Variants in JAK3 observed in about 807,000 individuals in gnomAD.
JAK3 encodes the protein Janus kinase 3.
In JAK3, 88 loss-of-function variants were observed where a neutral mutation model predicts 120.8. That is an observed-to-expected ratio of 0.73 (90% CI 0.61 to 0.87). JAK3 has a LOEUF of 0.87. JAK3 is among the 40% of genes least tolerant of loss of function. The pLI, the probability that JAK3 is intolerant of heterozygous loss-of-function variation, is 0.00. For synonymous variants in JAK3, 592 were observed against 628.6 expected, an observed-to-expected ratio of 0.94 and a Z score of 0.87; for missense variants, 1,254 against 1,501.4, an observed-to-expected ratio of 0.84 and a Z score of 2.72.
chr19:17,834,419 A>G, intron 17 of JAK3, 152 bp downstream of exon 17: 1 of 735,468 alleles, frequency 1.4e-6, no homozygotes, highest in South Asian at 1.5e-5. Flanking sequence ...TGTTCGTTAC[A>G]GTAGCTGTTG....
Position 17,843,811 on chromosome 19 carries a change from C to A in JAK3, c.274G>T (p.Asp92Tyr). ...TACAGCAGGACTTGGGTGCTGGCAT[C>A]CTCCACGGAGAAGATGTGGCTCGGG... Reference protein sequence around the residue: ...FPPSHIFSVEDASTQVLLYRI... With the variant: ...FPPSHIFSVEYASTQVLLYRI... Residue 92 changes from aspartate to tyrosine, a missense_variant, in exon 3 of 24, where the codon GAT becomes TAT. By Grantham distance (160) the Asp-to-Tyr change is radical. This residue lies in a region of JAK3 where 138 missense variants were observed against 178.7 expected (regional missense o/e 0.77). Transcript: ENST00000458235. The surrounding 1 kb of genome is among the most constrained non-coding windows in gnomAD (Gnocchi z 5.4). 1.9e-6 allele frequency: 3 copies of A among 1,613,684 alleles called. No individual in the cohort carries two copies. The highest frequency in any genetic ancestry group is 2.5e-6 in the Non-Finnish European group (3 of 1,179,982).
chr19:17,839,197 T>C (rs1219421075), intron 10 of JAK3: 1 of 578,354 alleles, frequency 1.7e-6, no homozygotes, highest in Non-Finnish European at 3.3e-6. Context: ...AATTGTCCCA[T>C]CAGAGGGGTT....
intron 10 of JAK3, among the ~76,000 whole-genome samples, 166 bp from the exon 11 acceptor site, chr19:17,838,556 T>G (rs2094230068): frequency 6.6e-6 from 1 of 152,166 alleles, no homozygotes. Context: ...TTGTTGCTGC[T>G]GCTGTTGAGA....
chr19:17,843,580 C>G lies in JAK3; in HGVS notation c.309-89G>C, dbSNP rs3212722. 3 of 1,190,934 alleles carry G rather than the reference C, an allele frequency of 2.5e-6. No homozygotes were observed. Among genetic ancestry groups the G allele is most frequent in the East Asian group, 2.4e-5 (1 of 41,544 alleles). 73.8% of individuals were successfully genotyped at this position (1,190,934 alleles called of 1,614,324 possible). A position where few individuals can be genotyped will look rare whatever the true frequency, so the allele number is the denominator to read the frequency against. On this transcript the variant is annotated intron_variant, in intron 3 of 23. Coordinates refer to ENST00000458235, the MANE Select transcript of JAK3 (RefSeq NM_000215.4). The surrounding 1 kb of genome is among the most constrained non-coding windows in gnomAD (Gnocchi z 5.4). ...TGGTGGGGGCGAGGGACAGATTCTGCGGAGGCCTCACAGAGCCCAGCTTGT... is the reference window on the plus strand; with the variant it reads ...TGGTGGGGGCGAGGGACAGATTCTGGGGAGGCCTCACAGAGCCCAGCTTGT...
chr19:17,846,867 G>A (rs1383374448), intron 1 of JAK3, among the ~76,000 whole-genome samples: 1 of 151,466 alleles, frequency 6.6e-6, no homozygotes, highest in Non-Finnish European at 1.5e-5. Flanking sequence ...TTACACACGT[G>A]AGCCACATTG....
In JAK3 at chr19:17,843,884, G is replaced by T; in HGVS notation, c.201C>A (p.Tyr67Ter). 6.2e-7 allele frequency: 1 copy of T among 1,613,632 alleles called. No individual in the cohort carries two copies. Among genetic ancestry groups the T allele is most frequent in the Non-Finnish European group, 8.5e-7 (1 of 1,179,942 alleles). ...AAKASGILPV[Y>*]HSLFALATED... Reference sequence around the variant, plus strand: ...CCGTGGCCAGAGCAAAGAGGGAGTGGTACACAGGCAGGATGCCTACAGGGG... The same window carrying T: ...CCGTGGCCAGAGCAAAGAGGGAGTGTTACACAGGCAGGATGCCTACAGGGG... The change falls in exon 3 of 24, where the codon TAC becomes TAA. Residue 67 changes from tyrosine (Y) to a stop codon, truncating the protein, a stop_gained. Transcript: ENST00000458235. LOFTEE classifies it high-confidence loss of function. The surrounding 1 kb of genome is among the most constrained non-coding windows in gnomAD (Gnocchi z 5.4).
intron 10 of JAK3, among the ~76,000 whole-genome samples, chr19:17,838,712 A>ATTTTATTT (rs2094230418): frequency 1.0e-5 from 1 of 99,336 alleles, no homozygotes; most frequent in East Asian, 2.6e-4. Context: ...TGCCCGGCTA[A>ATTTTATTT]TTTTTTTTTT....
chr19:17,840,757 C>T (rs750252415), intron 8 of JAK3, among the ~76,000 whole-genome samples: 3 of 149,634 alleles, frequency 2.0e-5, no homozygotes, highest in African/African-American at 5.0e-5. Context: ...AGCCAGACTC[C>T]GTCTCAAAAA....
chr19:17,837,242 G>A (rs1227368950), intron 12 of JAK3, 29 bp from the exon 13 acceptor site: 1 of 1,529,272 alleles, frequency 6.5e-7, no homozygotes, highest in Non-Finnish European at 8.9e-7. Flanking sequence ...GAGAGAAGAT[G>A]CGTGGGTTTC....
Position 17,842,602 on chromosome 19 carries a change from G to T in JAK3, c.575C>A (p.Ala192Asp). ...GTCGCGCAGGCTTGGGGGTAGGCAG[G>T]CCTTGTAGCTGCAGGGGTTGGAGGG... Reference protein sequence around the residue: ...GELLKTVSYKACLPPSLRDLI... With the variant: ...GELLKTVSYKDCLPPSLRDLI... Residue 192 changes from alanine to aspartate, a missense_variant, in exon 6 of 24, where the codon GCC becomes GAC. This residue lies in a region of JAK3 where 486 missense variants were observed against 503.0 expected (regional missense o/e 0.97). Coordinates refer to ENST00000458235, the MANE Select transcript of JAK3 (RefSeq NM_000215.4). The surrounding 1 kb of genome is among the most constrained non-coding windows in gnomAD (Gnocchi z 6.4). The T allele has an allele frequency of 6.3e-7, 1 of 1,575,764 alleles. No individual in the cohort carries two copies. The highest frequency in any genetic ancestry group is 8.6e-7 in the Non-Finnish European group (1 of 1,158,950).
Position 17,832,769 on chromosome 19 carries a change from C to T in JAK3, c.2490+21G>A, listed in dbSNP as rs780973262. The T allele has an allele frequency of 5.0e-6, 8 of 1,614,274 alleles. No individual in the cohort carries two copies. The South Asian group carries it at 7.7e-5, about 16-fold the overall frequency. On this transcript the variant is annotated intron_variant, in intron 18 of 23. Coordinates refer to ENST00000458235, the MANE Select transcript of JAK3 (RefSeq NM_000215.4). The surrounding 1 kb of genome is among the most constrained non-coding windows in gnomAD (Gnocchi z 4.7). Reference sequence around the variant, plus strand: ...ATGCTGCCCTGCCCTCTCCAACCCACCCTGGCCCTGCCCACCTTACCTTGC... The same window carrying T: ...ATGCTGCCCTGCCCTCTCCAACCCATCCTGGCCCTGCCCACCTTACCTTGC...
chr19:17,837,910 G>T, intron 12 of JAK3, 22 bp downstream of exon 12: 1 of 1,613,816 alleles, frequency 6.2e-7, no homozygotes, highest in Non-Finnish European at 8.5e-7. Flanking sequence ...GACTCCAAAA[G>T]TCTGGTCCAC....
chr19:17,846,182 G>T (rs1480148481), intron 1 of JAK3, among the ~76,000 whole-genome samples: 1 of 152,132 alleles, frequency 6.6e-6, no homozygotes, highest in Non-Finnish European at 1.5e-5. Flanking sequence ...GCTGTGAAAT[G>T]GGCTGACTCC....
rs2094245479 is a variant in JAK3, at chr19:17,843,732, A to C, written c.308+45T>G. 6.2e-7 allele frequency: 1 copy of C among 1,610,066 alleles called. No individual in the cohort carries two copies. The highest frequency in any genetic ancestry group is 1.3e-5 in the African/African-American group (1 of 74,688). ...TGTGGGCACCTCGAAATGCAAGGAG[A>C]TGATAAAATTGTACAATCCCTGGGG... is the stretch of plus-strand genomic sequence containing the variant. On this transcript the variant is annotated intron_variant, in intron 3 of 23. Transcript: ENST00000458235. This position sits in a 1 kb window ranked among gnomAD's most constrained non-coding sequence, Gnocchi z 5.4.
Position 17,831,178 on chromosome 19 carries a change from G to A in JAK3, c.2978+50C>T, listed in dbSNP as rs1217672295. The A allele has an allele frequency of 3.2e-6, 5 of 1,583,042 alleles. No homozygotes were observed. The highest frequency in any genetic ancestry group is 2.6e-6 in the Non-Finnish European group (3 of 1,162,638). On this transcript the variant is annotated intron_variant, in intron 21 of 23. Transcript: ENST00000458235. The surrounding 1 kb of genome is among the most constrained non-coding windows in gnomAD (Gnocchi z 5.1). ...GGGGGCGGGGGCATGGCTGGGGGCG[G>A]AGCCAGAGCCGTGGGGAATAGGGGC... is the stretch of plus-strand genomic sequence containing the variant.
In JAK3 at chr19:17,844,283, A is replaced by G; in HGVS notation, c.135T>C (p.Phe45=). The change falls in exon 2 of 24, where the codon TTT becomes TTC. Residue 45 remains phenylalanine, a synonymous_variant. Transcript: ENST00000458235. ...PGPPQRLSFS[F]GDHLAEDLCV... is the part of the protein sequence containing the mutation. ...ACAGGTCCTCAGCCAAGTGGTCCCC[A>G]AAGGAGAAAGATAGGCGCTGGGGGG... is the stretch of plus-strand genomic sequence containing the variant. 1 of 1,606,342 alleles carries G rather than the reference A, an allele frequency of 6.2e-7. No homozygotes were observed. Among genetic ancestry groups the G allele is most frequent in the Non-Finnish European group, 8.5e-7 (1 of 1,177,340 alleles).
chr19:17,838,335 C>G lies in JAK3; in HGVS notation c.1497G>C (p.Leu499Phe), dbSNP rs1173998375. The change falls in exon 11 of 24, where the codon TTG (leucine) becomes TTC (phenylalanine). Residue 499 changes from leucine (L) to phenylalanine (F), a missense_variant. Physicochemically the swap from Leu to Phe is conservative, Grantham distance 22 (BLOSUM62 0). This residue lies in a region of JAK3 where 486 missense variants were observed against 503.0 expected (regional missense o/e 0.97). Transcript: ENST00000458235. ...GCTGGTATTGGGATTGGGGCTGAACCAAGGATGATGTGGGTGGGCTGTGAC... is the reference window on the plus strand; with the variant it reads ...GCTGGTATTGGGATTGGGGCTGAACGAAGGATGATGTGGGTGGGCTGTGAC... Reference protein sequence around the residue: ...QRGHSPPTSSLVQPQSQYQLS... With the variant: ...QRGHSPPTSSFVQPQSQYQLS... The G allele has an allele frequency of 1.9e-6, 3 of 1,614,058 alleles. No homozygotes were observed. In the South Asian group the frequency reaches 3.3e-5, roughly 18 times the overall value.
At chr19:17,847,734 A>T (rs1426036042) in intron 1 of JAK3, among the ~76,000 whole-genome samples, 1 of 145,810 alleles carries the variant, frequency 6.9e-6, no homozygotes, top group Non-Finnish European at 1.5e-5. Context: ...CAAGGCAGGC[A>T]TCTCCCGGCC....
intron 23 of JAK3, among the ~76,000 whole-genome samples, chr19:17,829,504 T>C (rs1250264217): frequency 3.3e-5 from 5 of 151,978 alleles, no homozygotes; most frequent in South Asian, 2.1e-4. Flanking sequence ...ACACCTATAG[T>C]CCCAGCACTT....
Sources: allele counts gnomAD v4.1 joint callset (sites outside exome capture counted in the v4.1 genomes callset), GRCh38; gene constraint gnomAD v4.1.1; regional missense constraint gnomAD v4.1.1; non-coding constraint Gnocchi (gnomAD v3.1); transcripts MANE v1.5; gene names NCBI Gene and HGNC (gene_info 2026-07-23, HGNC 2026-07-21).